GLI3: variants seen among roughly 807,000 people sequenced by gnomAD.
GLI3 encodes GLI family zinc finger 3, also known as transcription activator GLI3.
A neutral mutation model predicts 100.8 loss-of-function variants in GLI3; 20 were observed. The observed-to-expected ratio is 0.20, with a 90% CI of 0.14 to 0.29. The LOEUF (loss-of-function observed/expected upper bound fraction) is 0.29. Ranked by LOEUF, GLI3 falls within the 10% of genes least tolerant of loss-of-function variation. GLI3 has a pLI of 1.00. For missense variants in GLI3, 2,040 were observed against 2,128.5 expected (o/e 0.96, Z 0.82); for synonymous variants, 938 against 860.5 (o/e 1.09, Z -1.58).
At chr7:42,000,380 C>T (rs1788252408) in intron 10 of GLI3, among the ~76,000 whole-genome samples, 1 of 152,098 alleles carries the variant, frequency 6.6e-6, no homozygotes, top group South Asian at 2.1e-4. Context: ...AAAAAGCAAA[C>T]AAATTTTTAA....
chr7:42,107,396 G>T (rs1229356490), intron 3 of GLI3, among the ~76,000 whole-genome samples: 1 of 152,126 alleles, frequency 6.6e-6, no homozygotes, highest in Admixed American at 6.5e-5. Context: ...AAAAAGAAAT[G>T]GCACCAACTC....
At chr7:42,023,904 A>T (rs867498499) in intron 9 of GLI3, among the ~76,000 whole-genome samples, 10 of 149,204 alleles carry the variant, frequency 6.7e-5, no homozygotes, top group South Asian at 2.1e-4. Flanking sequence ...AATGTCATCT[A>T]AAAAAAAACC....
At chr7:41,990,874 G>A (rs1168999458) in intron 10 of GLI3, among the ~76,000 whole-genome samples, 2 of 144,346 alleles carry the variant, frequency 1.4e-5, no homozygotes, top group East Asian at 1.9e-4. Context: ...AAGTGTGTGT[G>A]TGTGTGTGTG....
intron 2 of GLI3, among the ~76,000 whole-genome samples, chr7:42,208,908 C>T (rs1788209314): frequency 6.6e-6 from 1 of 152,132 alleles, no homozygotes; most frequent in South Asian, 2.1e-4. Flanking sequence ...ATCAAGAAAA[C>T]ACACATTTCA....
chr7:41,988,646 C>G (rs1438065928), intron 10 of GLI3, among the ~76,000 whole-genome samples: 1 of 152,164 alleles, frequency 6.6e-6, no homozygotes, highest in African/African-American at 2.4e-5. Context: ...ACTGAATCTT[C>G]TGACGTCTTG....
At chr7:42,105,559 G>A (rs2128763953) in intron 3 of GLI3, among the ~76,000 whole-genome samples, 1 of 152,136 alleles carries the variant, frequency 6.6e-6, no homozygotes, top group Non-Finnish European at 1.5e-5. Context: ...AGAAAATCAG[G>A]GAAAGATTTA....
chr7:42,056,776 C>A (rs898421119), intron 4 of GLI3, among the ~76,000 whole-genome samples: 1 of 142,830 alleles, frequency 7.0e-6, no homozygotes, highest in Admixed American at 6.9e-5. Context: ...CATGGAGAAA[C>A]CCCGTCTCTA....
chr7:42,010,326 G>A (rs1788577482), intron 10 of GLI3, among the ~76,000 whole-genome samples: 1 of 152,202 alleles, frequency 6.6e-6, no homozygotes, highest in Non-Finnish European at 1.5e-5. Context: ...ACACAGGGCT[G>A]GGTAGGGGAG....
intron 6 of GLI3, among the ~76,000 whole-genome samples, chr7:42,044,718 G>C (rs1386844677): frequency 6.6e-6 from 1 of 151,932 alleles, no homozygotes; most frequent in Admixed American, 6.6e-5. Context: ...AAAACATATG[G>C]GGCAAACAAT....
chr7:42,086,350 A>C (rs2128754829), intron 3 of GLI3, among the ~76,000 whole-genome samples: 1 of 152,280 alleles, frequency 6.6e-6, no homozygotes, highest in South Asian at 2.1e-4. Flanking sequence ...GCTCTTAGAC[A>C]TTCCACTTCC....
At chr7:42,139,855 T>C (rs1786523968) in intron 3 of GLI3, among the ~76,000 whole-genome samples, 2 of 152,184 alleles carry the variant, frequency 1.3e-5, no homozygotes, top group Non-Finnish European at 2.9e-5. Flanking sequence ...GGAGAAATTC[T>C]GGGTAAGTGA....
At chr7:42,251,374 A>G (rs992907114) in intron 1 of GLI3, among the ~76,000 whole-genome samples, 1 of 152,156 alleles carries the variant, frequency 6.6e-6, no homozygotes, top group Non-Finnish European at 1.5e-5. Flanking sequence ...TCTGGTGAGA[A>G]TCTAATGCTG....
chr7:42,000,197 A>G (rs1380209837), intron 10 of GLI3, among the ~76,000 whole-genome samples: 1 of 152,226 alleles, frequency 6.6e-6, no homozygotes, highest in African/African-American at 2.4e-5. Context: ...AAGGAATTCC[A>G]GAAATATGCA....
chr7:42,114,693 TTTTGTTTG>T lies in GLI3; in HGVS notation c.367+33525_367+33532del, dbSNP rs571303286. On this transcript the variant is annotated intron_variant, in intron 3 of 14. Transcript: ENST00000395925. ...ATGTGTGTGCAGGTCGGGGAGAGTTTTTTGTTTGTTTGTTTGTTTGTTTTGTGAGATGG... is the reference window on the plus strand; with the variant it reads ...ATGTGTGTGCAGGTCGGGGAGAGTTTTTTGTTTGTTTGTTTTGTGAGATGG... 3.9e-3 allele frequency among the ~76,000 whole-genome samples: 585 copies of T among 151,944 alleles called. 1 individual carries two copies. Among genetic ancestry groups the T allele is most frequent in the South Asian group, 0.015 (70 of 4,804 alleles).
At chr7:42,245,283 C>T (rs1176085812) in intron 1 of GLI3, among the ~76,000 whole-genome samples, 1 of 152,170 alleles carries the variant, frequency 6.6e-6, no homozygotes, top group Non-Finnish European at 1.5e-5. Context: ...ACAGTACAGC[C>T]TGTAATCACA....
intron 3 of GLI3, among the ~76,000 whole-genome samples, chr7:42,093,971 T>C (rs1418689943): frequency 6.6e-6 from 1 of 151,976 alleles, no homozygotes; most frequent in African/African-American, 2.4e-5. Context: ...ATACCAAAAA[T>C]TGACTTTCAT....
chr7:42,182,658 A>ATATATATATATATATACATGTGTG (rs1562775706), intron 2 of GLI3, among the ~76,000 whole-genome samples: 4 of 56,010 alleles, frequency 7.1e-5, no homozygotes, highest in African/African-American at 3.1e-4. Flanking sequence ...ATATATATAT[A>ATATATATATATATATACATGTGTG]TATATATATA....
At chr7:41,969,679 G>GA (rs1169915560) in intron 13 of GLI3, among the ~76,000 whole-genome samples, 2 of 152,238 alleles carry the variant, frequency 1.3e-5, no homozygotes, top group Non-Finnish European at 2.9e-5. Flanking sequence ...AGTGTGTGCA[G>GA]ACATGAACTT....
intron 12 of GLI3, among the ~76,000 whole-genome samples, chr7:41,976,484 C>T (rs573817689): frequency 7.3e-4 from 111 of 152,214 alleles, no homozygotes; most frequent in African/African-American, 2.5e-3. Flanking sequence ...ACCTTAAAGC[C>T]AAAAGTCCAC....
Sources: gnomAD v4.1 joint callset for allele counts (sites outside exome capture counted in the v4.1 genomes callset) on GRCh38, gnomAD v4.1.1 for gene constraint, MANE v1.5 for transcripts, NCBI Gene and HGNC (gene_info 2026-07-23, HGNC 2026-07-21) for gene names.